XXYLT1: variants seen among roughly 807,000 people sequenced by gnomAD.
XXYLT1 encodes xyloside xylosyltransferase 1, also known as UDP-xylose:alpha-xyloside alpha-1,3-xylosyltransferase.
XXYLT1 carries 20 observed loss-of-function variants against 28.9 expected under a neutral mutation model. The ratio of observed to expected loss-of-function variants is 0.69; its 90% CI spans 0.49 to 1.00. The LOEUF (loss-of-function observed/expected upper bound fraction) is 1.00. Among genes scored for constraint, XXYLT1 ranks in the 50% least tolerant of loss-of-function variants. The probability of loss-of-function intolerance (pLI) is 0.00; values close to 1 mark genes in which losing one functional copy is unlikely to be tolerated. For synonymous variants in XXYLT1, 257 were observed against 253.8 expected, an observed-to-expected ratio of 1.01 and a Z score of -0.12; for missense variants, 542 against 560.1, an observed-to-expected ratio of 0.97 and a Z score of 0.33.
At chr3:195,085,546 G>A (rs1049074745) in intron 3 of XXYLT1, among the ~76,000 whole-genome samples, 6 of 152,210 alleles carry the variant, frequency 3.9e-5, no homozygotes, top group African/African-American at 7.2e-5. Flanking sequence ...ACAGCAGTGC[G>A]GTCAGAGAGA....
Position 195,124,913 on chromosome 3 carries a change from A to T in XXYLT1, c.785+31536T>A, listed in dbSNP as rs1286567542. ...GTATTTTCTATCAGGCTGCGGGTGC[A>T]CAAGGCTGTCCCGGGTTATTTGAAG... is the stretch of plus-strand genomic sequence containing the variant. On this transcript the variant is annotated intron_variant, in intron 3 of 3. Coordinates refer to ENST00000310380, the MANE Select transcript of XXYLT1 (RefSeq NM_152531.5). The surrounding 1 kb of genome is among the most constrained non-coding windows in gnomAD (Gnocchi z 4.1). 6.6e-6 allele frequency among the ~76,000 whole-genome samples: 1 copy of T among 152,192 alleles called. No homozygotes were observed. Among genetic ancestry groups the T allele is most frequent in the Non-Finnish European group, 1.5e-5 (1 of 68,030 alleles).
intron 2 of XXYLT1, among the ~76,000 whole-genome samples, chr3:195,183,283 C>T (rs762578840): frequency 4.6e-5 from 7 of 152,142 alleles, no homozygotes; most frequent in Non-Finnish European, 8.8e-5. Context: ...GTTTCCCCCA[C>T]GCTGTTCTAG....
intron 3 of XXYLT1, among the ~76,000 whole-genome samples, chr3:195,108,132 C>T (rs1000495219): frequency 3.9e-5 from 6 of 152,210 alleles, no homozygotes; most frequent in African/African-American, 1.4e-4. Flanking sequence ...GCAGAGGCAA[C>T]CCTGGGTCAC....
chr3:195,211,884 A>G (rs1389506566), intron 2 of XXYLT1, among the ~76,000 whole-genome samples: 1 of 139,656 alleles, frequency 7.2e-6, no homozygotes, highest in Non-Finnish European at 1.5e-5. Flanking sequence ...GATCTGGAGG[A>G]GGAGAGGGGG....
chr3:195,239,556 G>A (rs554959814), intron 1 of XXYLT1, among the ~76,000 whole-genome samples: 4 of 152,306 alleles, frequency 2.6e-5, no homozygotes, highest in Admixed American at 2.6e-4. Context: ...TGGAATATAT[G>A]ATTTTTAGGA....
chr3:195,143,849 T>TATAGATATATATAGATATAGATATAG (rs1324222928), intron 3 of XXYLT1, among the ~76,000 whole-genome samples: 4 of 72,554 alleles, frequency 5.5e-5, no homozygotes, highest in Non-Finnish European at 9.5e-5. Flanking sequence ...TATAGATATA[T>TATAGATATATATAGATATAGATATAG]ATATAGATAT....
chr3:195,247,581 TC>T (rs1725079919), intron 1 of XXYLT1, among the ~76,000 whole-genome samples: 1 of 152,202 alleles, frequency 6.6e-6, no homozygotes, highest in Non-Finnish European at 1.5e-5. Flanking sequence ...CCCACCTCCT[TC>T]CTGGCTCTCT....
chr3:195,191,958 T>C (rs1455620439), intron 2 of XXYLT1, among the ~76,000 whole-genome samples: 1 of 152,178 alleles, frequency 6.6e-6, no homozygotes, highest in East Asian at 1.9e-4. Flanking sequence ...AACAGAATAT[T>C]AGCAAGGATG....
At chr3:195,109,002 C>G (rs1717303952) in intron 3 of XXYLT1, among the ~76,000 whole-genome samples, 1 of 152,136 alleles carries the variant, frequency 6.6e-6, no homozygotes, top group Non-Finnish European at 1.5e-5. Context: ...TTCTTTAGTT[C>G]TCACGAAAAC....
intron 3 of XXYLT1, among the ~76,000 whole-genome samples, chr3:195,107,912 G>A (rs1717243190): frequency 6.6e-6 from 1 of 151,928 alleles, no homozygotes; most frequent in Non-Finnish European, 1.5e-5. Flanking sequence ...CCTTCTTCCA[G>A]TCAGCTGCTG....
At chr3:195,166,824 G>C (rs767247135) in intron 2 of XXYLT1, among the ~76,000 whole-genome samples, 5 of 152,132 alleles carry the variant, frequency 3.3e-5, no homozygotes, top group African/African-American at 1.2e-4. Context: ...TGGGATTACA[G>C]GTGCCCAGCA....
intron 3 of XXYLT1, among the ~76,000 whole-genome samples, chr3:195,103,007 A>G (rs1459449346): frequency 1.3e-5 from 2 of 152,176 alleles, no homozygotes; most frequent in Admixed American, 1.3e-4. Flanking sequence ...GACAATGGCT[A>G]TTCTATCAGG....
chr3:195,106,992 G>T (rs927625283), intron 3 of XXYLT1, among the ~76,000 whole-genome samples: 3 of 152,188 alleles, frequency 2.0e-5, no homozygotes, highest in African/African-American at 7.2e-5. Flanking sequence ...AATACAATCA[G>T]AGGCTCCACA....
intron 1 of XXYLT1, among the ~76,000 whole-genome samples, chr3:195,252,692 C>CCACACACACA (rs774827660): frequency 0.018 from 1,497 of 83,872 alleles, 21 homozygotes; most frequent in Admixed American, 0.04. Context: ...AGAAAAAAAA[C>CCACACACACA]CACACACACA....
At chr3:195,087,942 C>T (rs1207278581) in intron 3 of XXYLT1, among the ~76,000 whole-genome samples, 1 of 151,902 alleles carries the variant, frequency 6.6e-6, no homozygotes. Context: ...CCTGGAAAAT[C>T]GGGTCACTCC....
intron 3 of XXYLT1, chr3:195,148,148 T>C (rs1719969814): frequency 1.3e-5 from 2 of 152,344 alleles, no homozygotes; most frequent in Admixed American, 6.5e-5. Context: ...CCCGCTTGGG[T>C]TCTCTGTACA....
In XXYLT1 at chr3:195,260,578, G is replaced by GC. The variant is rs1167939850; in HGVS notation, c.504+9976dup. The stretch of plus-strand genomic sequence containing the variant: ...ATCCAGGAGGAGACAAGGAGGCGAA[G>GC]CCCCCTAGGATAGGTGAAGACGACA... On this transcript the variant is annotated intron_variant, in intron 1 of 3. Transcript: ENST00000310380. 2.0e-5 allele frequency among the ~76,000 whole-genome samples: 3 copies of GC among 152,228 alleles called. No individual in the cohort carries two copies. In the East Asian group the frequency reaches 5.8e-4, roughly 29 times the overall value.
Position 195,224,494 on chromosome 3 carries a change from T to C in XXYLT1, c.652+2215A>G, listed in dbSNP as rs959233558. 2.0e-5 allele frequency among the ~76,000 whole-genome samples: 3 copies of C among 152,166 alleles called. No homozygotes were observed. The South Asian group carries it at 6.2e-4, about 31-fold the overall frequency. Reference sequence around the variant, plus strand: ...TCCCAGAGCTTAGGAGCTCCCTAACTCTTGTCATCGGTCCCTGCACAATTC... The same window carrying C: ...TCCCAGAGCTTAGGAGCTCCCTAACCCTTGTCATCGGTCCCTGCACAATTC... On this transcript the variant is annotated intron_variant, in intron 2 of 3. Transcript: ENST00000310380.
At chr3:195,100,617 C>CCACCCAGA (rs1271939535) in intron 3 of XXYLT1, among the ~76,000 whole-genome samples, 1 of 152,114 alleles carries the variant, frequency 6.6e-6, no homozygotes, top group Non-Finnish European at 1.5e-5. Context: ...CCCCTGTACT[C>CCACCCAGA]CACCCAGACC....
Sources: allele counts gnomAD v4.1 joint callset (sites outside exome capture counted in the v4.1 genomes callset), GRCh38; gene constraint gnomAD v4.1.1; non-coding constraint Gnocchi (gnomAD v3.1); transcripts MANE v1.5; gene names NCBI Gene and HGNC (gene_info 2026-07-23, HGNC 2026-07-21).